Variants in ROBO2 observed in about 807,000 individuals in gnomAD.
ROBO2 encodes the protein roundabout homolog 2.
A neutral mutation model predicts 160.8 loss-of-function variants in ROBO2; 53 were observed. That is an observed-to-expected ratio of 0.33 (90% CI 0.26 to 0.41). The LOEUF is 0.41. Ranked by LOEUF, ROBO2 falls within the 10% of genes least tolerant of loss-of-function variation. The pLI is 1.00. For missense variants in ROBO2, 1,577 were observed against 1,722.4 expected (o/e 0.92, Z 1.49); for synonymous variants, 664 against 611.7 (o/e 1.09, Z -1.26).
intron 8 of ROBO2, among the ~76,000 whole-genome samples, chr3:77,554,190 A>G (rs1249790031): frequency 6.6e-6 from 1 of 151,976 alleles, no homozygotes; most frequent in Non-Finnish European, 1.5e-5. Context: ...AGCCTGAATG[A>G]CAGCATATCT....
At chr3:77,062,309 AC>A (rs1559929049) in intron 1 of ROBO2, among the ~76,000 whole-genome samples, 3 of 152,076 alleles carry the variant, frequency 2.0e-5, no homozygotes, top group African/African-American at 7.2e-5. Flanking sequence ...AGGTGTTTAA[AC>A]CCAATTCAGT....
intron 2 of ROBO2, among the ~76,000 whole-genome samples, chr3:77,336,754 C>T (rs149116238): frequency 5.1e-4 from 78 of 152,314 alleles, no homozygotes; most frequent in African/African-American, 1.6e-3. Context: ...ACCACACCAA[C>T]GCCTGACACC....
At chr3:75,977,665 G>A (rs180819277) in intron 2 of ROBO2, among the ~76,000 whole-genome samples, 1 of 151,582 alleles carries the variant, frequency 6.6e-6, no homozygotes. Context: ...GAACGCTCAT[G>A]ATAAGGAAAT....
At chr3:76,722,400 G>A (rs1304375505) in intron 2 of ROBO2, among the ~76,000 whole-genome samples, 8 of 152,076 alleles carry the variant, frequency 5.3e-5, no homozygotes, top group Admixed American at 3.9e-4. Flanking sequence ...GACTACAGGC[G>A]TGAACCACCG....
At chr3:77,069,419 C>T (rs1205986407) in intron 1 of ROBO2, among the ~76,000 whole-genome samples, 3 of 152,048 alleles carry the variant, frequency 2.0e-5, no homozygotes, top group Admixed American at 1.3e-4. Flanking sequence ...TCATATTTAA[C>T]ACAAAGGAAC....
intron 2 of ROBO2, among the ~76,000 whole-genome samples, chr3:76,973,418 C>A (rs2059664942): frequency 6.6e-6 from 1 of 151,908 alleles, no homozygotes; most frequent in African/African-American, 2.4e-5. Context: ...TAAAGGAAAT[C>A]ATTATAAAGT....
At position 77,099,071 on chromosome 3, in the gene ROBO2, C is replaced by CTTTT. The variant is rs750626067; in HGVS notation, c.388+746_388+749dup. 5.6e-3 allele frequency among the ~76,000 whole-genome samples: 675 copies of CTTTT among 121,184 alleles called. 18 individuals are homozygous for CTTTT. The highest frequency in any genetic ancestry group is 0.026 in the East Asian group (101 of 3,844). The allele number at this position is 121,184 out of a possible 152,430, so 79.5% of individuals were successfully genotyped here. A position where few individuals can be genotyped will look rare whatever the true frequency, so the allele number is the denominator to read the frequency against. ...AACAAAATTGTACTTTTCTTTCTTT[C>CTTTT]TTTTTTTTTTTTTTTTTTGAGACAG... On this transcript the variant is annotated intron_variant, in intron 2 of 25. Coordinates refer to ENST00000461745, the Ensembl canonical transcript of ROBO2.
At chr3:77,159,756 A>C (rs181349120) in intron 2 of ROBO2, among the ~76,000 whole-genome samples, 3 of 152,162 alleles carry the variant, frequency 2.0e-5, no homozygotes, top group African/African-American at 7.2e-5. Context: ...TGAAATTATA[A>C]AAGTGTGTAA....
intron 2 of ROBO2, among the ~76,000 whole-genome samples, chr3:77,117,071 C>G (rs2150230757): frequency 6.6e-6 from 1 of 152,266 alleles, no homozygotes; most frequent in East Asian, 1.9e-4. Flanking sequence ...ACTTGAGAAT[C>G]TAAAAGCACC....
At chr3:76,636,183 A>G (rs1007429874) in intron 2 of ROBO2, among the ~76,000 whole-genome samples, 4 of 152,204 alleles carry the variant, frequency 2.6e-5, no homozygotes, top group African/African-American at 4.8e-5. Flanking sequence ...GAAATATTGC[A>G]TAAATTCCAA....
At chr3:76,366,604 C>A (rs997931875) in intron 2 of ROBO2, among the ~76,000 whole-genome samples, 4 of 151,934 alleles carry the variant, frequency 2.6e-5, no homozygotes, top group African/African-American at 9.7e-5. Flanking sequence ...AAATTGCTTA[C>A]ATAAGATTAA....
At chr3:76,189,756 C>T (rs111730966) in intron 2 of ROBO2, among the ~76,000 whole-genome samples, 1 of 152,012 alleles carries the variant, frequency 6.6e-6, no homozygotes, top group Non-Finnish European at 1.5e-5. Context: ...TAACTGAGTG[C>T]TTATGGTATG....
chr3:76,612,909 T>C (rs1294804006), intron 2 of ROBO2, among the ~76,000 whole-genome samples: 1 of 152,196 alleles, frequency 6.6e-6, no homozygotes, highest in African/African-American at 2.4e-5. Context: ...CTGCTCTTTT[T>C]TGATTTCCAT....
At chr3:77,136,365 T>C (rs2150388608) in intron 2 of ROBO2, among the ~76,000 whole-genome samples, 1 of 152,202 alleles carries the variant, frequency 6.6e-6, no homozygotes, top group East Asian at 1.9e-4. Context: ...TACTATTTTT[T>C]ATGGTATACT....
At chr3:76,978,629 C>T (rs2059926457) in intron 2 of ROBO2, among the ~76,000 whole-genome samples, 1 of 151,970 alleles carries the variant, frequency 6.6e-6, no homozygotes, top group Non-Finnish European at 1.5e-5. Flanking sequence ...GGACATTCTC[C>T]AGGCTCTGAA....
chr3:76,132,406 G>GGT (rs1553653810), intron 2 of ROBO2, among the ~76,000 whole-genome samples: 1 of 124,634 alleles, frequency 8.0e-6, no homozygotes, highest in Admixed American at 8.0e-5. Context: ...GGGGGGGGGG[G>GGT]GGACGCAGAT....
chr3:76,725,363 C>T (rs1160212605), intron 2 of ROBO2, among the ~76,000 whole-genome samples: 1 of 152,094 alleles, frequency 6.6e-6, no homozygotes, highest in Non-Finnish European at 1.5e-5. Context: ...GACTTTTGAT[C>T]CAGCCTTCTA....
intron 2 of ROBO2, among the ~76,000 whole-genome samples, chr3:76,044,927 C>T (rs2067401497): frequency 6.6e-6 from 1 of 151,928 alleles, no homozygotes; most frequent in Non-Finnish European, 1.5e-5. Context: ...GTGCAAAGGC[C>T]TTTAGGTTGA....
At chr3:77,343,267 T>C (rs1273577025) in intron 2 of ROBO2, among the ~76,000 whole-genome samples, 2 of 152,152 alleles carry the variant, frequency 1.3e-5, no homozygotes, top group African/African-American at 4.8e-5. Context: ...TTGAGTTACA[T>C]AAGCAGAAGA....
Sources: gnomAD v4.1 joint callset for allele counts (sites outside exome capture counted in the v4.1 genomes callset) on GRCh38, gnomAD v4.1.1 for gene constraint, MANE v1.5 for transcripts, NCBI Gene and HGNC (gene_info 2026-07-23, HGNC 2026-07-21) for gene names.